ST6GALNAC3: variants seen among roughly 807,000 people sequenced by gnomAD.
ST6GALNAC3 encodes the protein ST6 N-acetylgalactosaminide alpha-2,6-sialyltransferase 3.
In ST6GALNAC3, 25 loss-of-function variants were observed where a neutral mutation model predicts 32.7. The observed-to-expected ratio is 0.76, with a 90% confidence interval of 0.56 to 1.07. The LOEUF is 1.07. Among genes scored for constraint, ST6GALNAC3 ranks in the 50% least tolerant of loss-of-function variants. The probability of loss-of-function intolerance (pLI) is 0.00; values close to 1 mark genes in which losing one functional copy is unlikely to be tolerated. For missense variants in ST6GALNAC3, 355 were observed against 382.4 expected (o/e 0.93, Z 0.60); for synonymous variants, 129 against 133.1 (o/e 0.97, Z 0.21).
Position 76,203,264 on chromosome 1 carries a change from A to G in ST6GALNAC3, c.19-110541A>G, listed in dbSNP as rs1466427400. 3.9e-5 allele frequency among the ~76,000 whole-genome samples: 6 copies of G among 152,228 alleles called. No homozygotes were observed. In the East Asian group the frequency reaches 1.2e-3, roughly 29 times the overall value. Reference sequence around the variant, plus strand: ...ATCAGAATCTGCGCAGGGGGTGCCCATGCATTACTCAGTTGTAGAGCTCCC... The same window carrying G: ...ATCAGAATCTGCGCAGGGGGTGCCCGTGCATTACTCAGTTGTAGAGCTCCC... On this transcript the variant is annotated intron_variant, in intron 1 of 4. Transcript: ENST00000328299.
intron 1 of ST6GALNAC3, among the ~76,000 whole-genome samples, chr1:76,313,122 C>T (rs1033524455): frequency 3.9e-5 from 6 of 152,074 alleles, no homozygotes; most frequent in African/African-American, 1.4e-4. Context: ...CCTACTCATA[C>T]AGGGTGCTAG....
intron 3 of ST6GALNAC3, among the ~76,000 whole-genome samples, chr1:76,455,239 G>A (rs4447031): frequency 0.16 from 24,379 of 151,616 alleles, 2,322 homozygotes; most frequent in South Asian, 0.39. Flanking sequence ...TATTATGCAT[G>A]CATTTTTTTT....
At chr1:76,454,466 A>G (rs192695307) in intron 3 of ST6GALNAC3, among the ~76,000 whole-genome samples, 1 of 152,296 alleles carries the variant, frequency 6.6e-6, no homozygotes, top group East Asian at 1.9e-4. Context: ...CAGTTCTTAT[A>G]GTGCTAGCTT....
chr1:76,501,433 A>ATTCC (rs1298936900), intron 3 of ST6GALNAC3, among the ~76,000 whole-genome samples: 3 of 152,178 alleles, frequency 2.0e-5, no homozygotes, highest in South Asian at 2.1e-4. Flanking sequence ...GGACAAGAAA[A>ATTCC]TTCCTTCCTT....
intron 2 of ST6GALNAC3, among the ~76,000 whole-genome samples, chr1:76,350,857 A>T (rs761989549): frequency 3.9e-5 from 6 of 152,192 alleles, no homozygotes; most frequent in Non-Finnish European, 8.8e-5. Flanking sequence ...TATAATTCTG[A>T]TATATGATCA....
chr1:76,440,669 C>T (rs1656512406), intron 3 of ST6GALNAC3, among the ~76,000 whole-genome samples: 1 of 152,176 alleles, frequency 6.6e-6, no homozygotes, highest in Admixed American at 6.5e-5. Context: ...AATTTTATGA[C>T]TCACTATTTA....
At chr1:76,626,219 T>C (rs1180178542) in intron 3 of ST6GALNAC3, among the ~76,000 whole-genome samples, 3 of 151,818 alleles carry the variant, frequency 2.0e-5, no homozygotes, top group African/African-American at 7.3e-5. Flanking sequence ...GAGGGCTGTA[T>C]CCAGAGAGCG....
At chr1:76,235,458 G>T (rs1656598290) in intron 1 of ST6GALNAC3, among the ~76,000 whole-genome samples, 1 of 152,114 alleles carries the variant, frequency 6.6e-6, no homozygotes, top group Admixed American at 6.5e-5. Flanking sequence ...AGTGATCCAT[G>T]ATGGTGCCAC....
At chr1:76,507,641 T>A (rs1661562046) in intron 3 of ST6GALNAC3, among the ~76,000 whole-genome samples, 1 of 152,254 alleles carries the variant, frequency 6.6e-6, no homozygotes, top group Non-Finnish European at 1.5e-5. Flanking sequence ...CTCTGTCATA[T>A]TATGGAAATA....
intron 3 of ST6GALNAC3, among the ~76,000 whole-genome samples, chr1:76,487,309 C>T (rs1294308742): frequency 6.6e-6 from 1 of 152,164 alleles, no homozygotes; most frequent in Non-Finnish European, 1.5e-5. Context: ...TGGATAATAT[C>T]CTGCAGAGTG....
intron 2 of ST6GALNAC3, among the ~76,000 whole-genome samples, chr1:76,351,182 G>A (rs894404302): frequency 2.6e-5 from 4 of 152,076 alleles, no homozygotes; most frequent in African/African-American, 9.7e-5. Context: ...TTGGCATTAG[G>A]CTTATGCTGG....
At chr1:76,190,193 A>T (rs1334591317) in intron 1 of ST6GALNAC3, among the ~76,000 whole-genome samples, 1 of 152,154 alleles carries the variant, frequency 6.6e-6, no homozygotes, top group Admixed American at 6.6e-5. Flanking sequence ...TCATAGGTTG[A>T]TAGGATTCAA....
chr1:76,448,631 C>A (rs909207637), intron 3 of ST6GALNAC3, among the ~76,000 whole-genome samples: 2 of 152,122 alleles, frequency 1.3e-5, no homozygotes, highest in East Asian at 3.9e-4. Context: ...GCATGGTTTC[C>A]CATGCTGTTC....
At chr1:76,249,287 C>G (rs915168610) in intron 1 of ST6GALNAC3, among the ~76,000 whole-genome samples, 5 of 152,272 alleles carry the variant, frequency 3.3e-5, no homozygotes, top group African/African-American at 1.2e-4. Flanking sequence ...TGCCAATCTA[C>G]TTTCTGTCTT....
At chr1:76,594,764 A>T (rs950204530) in intron 3 of ST6GALNAC3, among the ~76,000 whole-genome samples, 1 of 152,142 alleles carries the variant, frequency 6.6e-6, no homozygotes, top group African/African-American at 2.4e-5. Flanking sequence ...ACCTATTGCA[A>T]TGCTGATTCT....
intron 3 of ST6GALNAC3, among the ~76,000 whole-genome samples, chr1:76,534,938 G>A (rs1663503311): frequency 6.6e-6 from 1 of 152,036 alleles, no homozygotes. Flanking sequence ...GAGCACATCA[G>A]GTATCTTCTC....
chr1:76,460,427 T>G (rs953651670), intron 3 of ST6GALNAC3, among the ~76,000 whole-genome samples: 1 of 152,242 alleles, frequency 6.6e-6, no homozygotes, highest in Non-Finnish European at 1.5e-5. Flanking sequence ...GTCTCAAGGA[T>G]AAATTTTGCT....
rs1649182398 is a variant in ST6GALNAC3 at position 76,629,490 on chromosome 1, AC to A, written c.*685del. The A allele has an allele frequency of 3.0e-6, 3 of 985,084 alleles. No homozygotes were observed. The South Asian group carries it at 1.4e-4, about 46-fold the overall frequency. The allele number at this position is 985,084 out of a possible 1,614,324, so 61.0% of individuals were successfully genotyped here. A position where few individuals can be genotyped will look rare whatever the true frequency, so the allele number is the denominator to read the frequency against. On this transcript the variant is annotated 3_prime_UTR_variant, in exon 5 of 5. Transcript: ENST00000328299. ...AAGTAGCAAATCTTGATGAATTTCC[AC>A]TCTTACCATCCATTCTTACTACCAA...
At chr1:76,197,511 G>A (rs1357096994) in intron 1 of ST6GALNAC3, among the ~76,000 whole-genome samples, 1 of 152,164 alleles carries the variant, frequency 6.6e-6, no homozygotes, top group Non-Finnish European at 1.5e-5. Flanking sequence ...TCTAGGGTAA[G>A]TGATGCCTGA....
Sources: gnomAD v4.1 joint callset for allele counts (sites outside exome capture counted in the v4.1 genomes callset) on GRCh38, gnomAD v4.1.1 for gene constraint, MANE v1.5 for transcripts, NCBI Gene and HGNC (gene_info 2026-07-23, HGNC 2026-07-21) for gene names.